Variants in EPB41 observed in about 807,000 individuals in gnomAD.
The protein encoded by EPB41 is erythrocyte membrane protein band 4.1, also known as protein 4.1.
In EPB41, 65 loss-of-function variants were observed where a neutral mutation model predicts 108.0. That is an observed-to-expected ratio of 0.60 (90% CI 0.49 to 0.74). The LOEUF is 0.74. Among genes scored for constraint, EPB41 ranks in the 30% least tolerant of loss-of-function variants. EPB41 has a pLI of 0.00. For synonymous variants in EPB41, 336 were observed against 358.9 expected, an observed-to-expected ratio of 0.94 and a Z score of 0.72; for missense variants, 875 against 1,037.0, an observed-to-expected ratio of 0.84 and a Z score of 2.15.
intron 1 of EPB41, among the ~76,000 whole-genome samples, chr1:28,925,272 A>G (rs1293149871): frequency 6.6e-6 from 1 of 151,840 alleles, no homozygotes; most frequent in Non-Finnish European, 1.5e-5. Context: ...CATTCTGGCT[A>G]ATTTTTAAAT....
At chr1:28,948,765 A>G (rs1288460032) in intron 1 of EPB41, among the ~76,000 whole-genome samples, 1 of 151,902 alleles carries the variant, frequency 6.6e-6, no homozygotes, top group South Asian at 2.1e-4. Flanking sequence ...CCTGGCCAAT[A>G]TGGTGAAACC....
At chr1:28,951,405 G>A (rs2094716880) in intron 1 of EPB41, among the ~76,000 whole-genome samples, 2 of 150,932 alleles carry the variant, frequency 1.3e-5, no homozygotes, top group Non-Finnish European at 1.5e-5. Flanking sequence ...CAAATGTGAT[G>A]TGTGTTGGAG....
intron 1 of EPB41, among the ~76,000 whole-genome samples, chr1:28,969,017 C>T (rs1362633325): frequency 6.9e-6 from 1 of 144,130 alleles, no homozygotes; most frequent in Non-Finnish European, 1.5e-5. Flanking sequence ...ACTTCGCTTT[C>T]TAGAATTGCC....
At chr1:28,993,834 T>G (rs2096088293) in intron 3 of EPB41, among the ~76,000 whole-genome samples, 1 of 151,862 alleles carries the variant, frequency 6.6e-6, no homozygotes, top group South Asian at 2.1e-4. Context: ...TTTTTTGTAT[T>G]TTTAGTAGAG....
chr1:28,892,793 G>T (rs1251697483), intron 1 of EPB41, among the ~76,000 whole-genome samples: 1 of 144,604 alleles, frequency 6.9e-6, no homozygotes, highest in Non-Finnish European at 1.5e-5. Context: ...GATTTTCCCA[G>T]GTTCTTTTTT....
At chr1:29,108,719 G>A (rs961483831) in intron 17 of EPB41, among the ~76,000 whole-genome samples, 22 of 151,114 alleles carry the variant, frequency 1.5e-4, no homozygotes, top group African/African-American at 5.1e-4. Flanking sequence ...CACCACGTCC[G>A]GCTAATTTTG....
chr1:29,056,489 TG>T (rs1645473408), intron 12 of EPB41, among the ~76,000 whole-genome samples: 2 of 152,174 alleles, frequency 1.3e-5, no homozygotes, highest in South Asian at 4.1e-4. Flanking sequence ...TTTAATGTTC[TG>T]TGTAGGGGCA....
chr1:28,994,132 T>C (rs551679702), intron 3 of EPB41, among the ~76,000 whole-genome samples: 1 of 152,260 alleles, frequency 6.6e-6, no homozygotes, highest in Admixed American at 6.5e-5. Context: ...GTTATTCAGT[T>C]ACTCTTTTTG....
chr1:28,991,193 T>C (rs139782960), intron 2 of EPB41, among the ~76,000 whole-genome samples: 3,528 of 148,426 alleles, frequency 0.024, 154 homozygotes, highest in African/African-American at 0.082. Flanking sequence ...TATATAAATA[T>C]ATATTTATAT....
At chr1:28,950,832 G>C (rs917098391) in intron 1 of EPB41, among the ~76,000 whole-genome samples, 2 of 152,036 alleles carry the variant, frequency 1.3e-5, no homozygotes, top group Non-Finnish European at 2.9e-5. Context: ...GCACCTAGCA[G>C]TTTCTGTACT....
chr1:28,928,687 C>A (rs2093583931), intron 1 of EPB41, among the ~76,000 whole-genome samples: 1 of 152,154 alleles, frequency 6.6e-6, no homozygotes, highest in African/African-American at 2.4e-5. Context: ...TTGAGGAGAT[C>A]TAGTACTTAA....
chr1:29,075,491 A>C (rs1573601029), intron 16 of EPB41, among the ~76,000 whole-genome samples: 2 of 152,148 alleles, frequency 1.3e-5, no homozygotes, highest in East Asian at 3.9e-4. Flanking sequence ...AAAAAAGAAA[A>C]ATCCTAGAAG....
chr1:29,011,752 A>G (rs1431912632), intron 4 of EPB41, 113 bp from the exon 5 acceptor site: 2 of 1,133,340 alleles, frequency 1.8e-6, no homozygotes, highest in Non-Finnish European at 2.6e-6. Context: ...TATCAAAGGA[A>G]ATGCAGGTTG....
chr1:29,058,613 A>G lies in EPB41; in HGVS notation c.1870A>G (p.Thr624Ala), dbSNP rs1028510693. Residue 624 changes from threonine to alanine, a missense_variant, in exon 13 of 21, where the codon ACA becomes GCA. Transcript: ENST00000343067. ...WKVEKTHIEVTVPTSNGDQTQ... is the reference protein window; with the variant it reads ...WKVEKTHIEVAVPTSNGDQTQ... ...GGTGGAAAAAACCCACATCGAGGTG[A>G]CAGTACCCACCTCAAATGGTGACCA... 3.1e-6 allele frequency: 5 copies of G among 1,613,804 alleles called. No individual in the cohort carries two copies.
At chr1:28,914,112 C>T (rs1223825291), upstream of EPB41, among the ~76,000 whole-genome samples, 16 of 152,192 alleles carry the variant, frequency 1.1e-4, no homozygotes. Flanking sequence ...TACCCGAGGT[C>T]ACTAAGCGTT....
At chr1:29,056,656 G>A (rs1645499521) in intron 12 of EPB41, among the ~76,000 whole-genome samples, 2 of 152,096 alleles carry the variant, frequency 1.3e-5, no homozygotes, top group South Asian at 4.1e-4. Context: ...CTCCTGAGTA[G>A]CTGGGATTAC....
intron 16 of EPB41, chr1:29,069,527 T>A (rs1650223090): frequency 1.0e-6 from 1 of 965,692 alleles, no homozygotes; most frequent in African/African-American, 1.7e-5. Context: ...CTTTAAAATG[T>A]ATAAGATTAA....
At chr1:29,076,429 A>G (rs533859216) in intron 16 of EPB41, among the ~76,000 whole-genome samples, 60 of 152,120 alleles carry the variant, frequency 3.9e-4, no homozygotes, top group Non-Finnish European at 5.7e-4. Context: ...ATAGTTTTCT[A>G]GCTTTGAGAG....
At chr1:28,965,639 G>C (rs931996144) in intron 1 of EPB41, among the ~76,000 whole-genome samples, 1 of 152,132 alleles carries the variant, frequency 6.6e-6, no homozygotes, top group Admixed American at 6.5e-5. Flanking sequence ...AGGTGGGAAT[G>C]GGTAGGACTG....
Sources: gnomAD v4.1 joint callset for allele counts (sites outside exome capture counted in the v4.1 genomes callset) on GRCh38, gnomAD v4.1.1 for gene constraint, MANE v1.5 for transcripts, NCBI Gene and HGNC (gene_info 2026-07-23, HGNC 2026-07-21) for gene names.